SH3KBP1: variants seen among roughly 807,000 people sequenced by gnomAD.
SH3KBP1 encodes the protein SH3 domain-containing kinase-binding protein 1.
A neutral mutation model predicts 50.1 loss-of-function variants in SH3KBP1; 8 were observed. That is an observed-to-expected ratio of 0.16 (90% CI 0.09 to 0.29). The LOEUF is 0.29. Among genes scored for constraint, SH3KBP1 ranks in the 10% least tolerant of loss-of-function variants. The pLI is 1.00. For missense variants in SH3KBP1, 377 were observed against 535.2 expected (o/e 0.70, Z 2.92); for synonymous variants, 227 against 218.6 (o/e 1.04, Z -0.34).
intron 12 of SH3KBP1, among the ~76,000 whole-genome samples, chrX:19,576,230 T>C (rs113142361): frequency 0.017 from 1,934 of 111,638 alleles, 18 homozygotes; most frequent in South Asian, 0.052. Context: ...AAAAGTCTCC[T>C]TGTTTTACTA....
chrX:19,707,139 G>C, intron 3 of SH3KBP1, 155 bp from the exon 4 acceptor site: 1 of 562,911 alleles, frequency 1.8e-6, no homozygotes, highest in South Asian at 2.3e-5. Context: ...GTCTCTTAGA[G>C]AGAGGCAGTA....
At chrX:19,802,014 G>A (rs1003341461) in intron 2 of SH3KBP1, among the ~76,000 whole-genome samples, 9 of 111,397 alleles carry the variant, frequency 8.1e-5, no homozygotes, top group Non-Finnish European at 1.7e-4. Context: ...GGAGGCAGAG[G>A]TTGCAGTGAT....
rs780433982 is a variant in SH3KBP1 at position 19,796,026 on chromosome X, T to C, written c.162+40099A>G. Among the ~76,000 whole-genome samples the C allele has an allele frequency of 4.5e-5, 5 of 111,753 alleles. No individual in the cohort carries two copies. The East Asian group carries it at 8.4e-4, about 19-fold the overall frequency. ...CAATCGGTGGGCCACGTAATCAGTT[T>C]AGAAGGTCCTGACAAGCATCTGTTG... On this transcript the variant is annotated intron_variant, in intron 2 of 17. Transcript: ENST00000397821.
chrX:19,819,575 C>T (rs756051517), intron 2 of SH3KBP1, among the ~76,000 whole-genome samples: 4 of 110,989 alleles, frequency 3.6e-5, no homozygotes, highest in Admixed American at 9.6e-5. Context: ...GTCTCAAAGT[C>T]CTGGGCTCAA....
intron 6 of SH3KBP1, among the ~76,000 whole-genome samples, chrX:19,681,764 G>C (rs1288673135): frequency 9.0e-6 from 1 of 111,573 alleles, no homozygotes; most frequent in Admixed American, 9.5e-5. Context: ...GGAGAGCAGT[G>C]GGGGAGGAAG....
rs2063578993 is a variant in SH3KBP1 at position 19,703,696 on chromosome X, C to CCGTG, written c.390+3184_390+3185insCACG. On this transcript the variant is annotated intron_variant, in intron 4 of 17. Coordinates refer to ENST00000397821, the MANE Select transcript of SH3KBP1 (RefSeq NM_031892.3). The stretch of plus-strand genomic sequence containing the variant: ...TTATCTGTCAGGGCAAAAAGAGAAA[C>CCGTG]TGTGTGTGTGTGTGTGTGTGTGTGT... Among the ~76,000 whole-genome samples, 4 of 63,503 alleles carry CCGTG rather than the reference C, an allele frequency of 6.3e-5. No homozygotes were observed. In the South Asian group the frequency reaches 4.7e-3, roughly 75 times the overall value. 55.1% of individuals were successfully genotyped at this position (63,503 alleles called of 115,157 possible).
At chrX:19,579,633 C>A (rs2066303781) in intron 12 of SH3KBP1, among the ~76,000 whole-genome samples, 1 of 112,083 alleles carries the variant, frequency 8.9e-6, no homozygotes, top group Non-Finnish European at 1.9e-5. Context: ...AGGCTAAATC[C>A]CATCACTATG....
chrX:19,775,912 A>AT (rs1463149024), intron 2 of SH3KBP1, among the ~76,000 whole-genome samples: 1 of 111,546 alleles, frequency 9.0e-6, no homozygotes, highest in African/African-American at 3.3e-5. Context: ...ATTATCCCCC[A>AT]TTGATATTTA....
chrX:19,569,181 T>C lies in SH3KBP1; in HGVS notation c.1306A>G (p.Ser436Gly). 7 of 1,205,855 alleles carry C rather than the reference T, an allele frequency of 5.8e-6. No individual in the cohort carries two copies. The highest frequency in any genetic ancestry group is 7.9e-6 in the Non-Finnish European group (7 of 889,714). Reference sequence around the variant, plus strand: ...CTGCCGGCCAAGTCAATCTTTGGACTGTCACCCCTACATTAAAAACACAAG... The same window carrying C: ...CTGCCGGCCAAGTCAATCTTTGGACCGTCACCCCTACATTAAAAACACAAG... ...VGPLTHTRGDSPKIDLAGSSL... is the reference protein window; with the variant it reads ...VGPLTHTRGDGPKIDLAGSSL... Residue 436 changes from serine (S) to glycine (G), a missense_variant, in exon 13 of 18, where the codon AGT becomes GGT. Ser to Gly is a moderately conservative substitution (Grantham distance 56, BLOSUM62 0). Coordinates refer to ENST00000397821, the MANE Select transcript of SH3KBP1 (RefSeq NM_031892.3).
intron 13 of SH3KBP1, among the ~76,000 whole-genome samples, chrX:19,553,858 T>G (rs2147676685): frequency 1.2e-5 from 1 of 85,517 alleles, no homozygotes; most frequent in South Asian, 4.9e-4. Context: ...ATATTATATA[T>G]ATTAAAATAT....
chrX:19,569,962 T>C (rs1257578539), intron 12 of SH3KBP1, among the ~76,000 whole-genome samples: 3 of 111,646 alleles, frequency 2.7e-5, no homozygotes, highest in Non-Finnish European at 3.8e-5. Context: ...AGCGGTGAAA[T>C]AGGAAAAGAT....
At chrX:19,748,350 G>A (rs998753302) in intron 2 of SH3KBP1, among the ~76,000 whole-genome samples, 1 of 111,689 alleles carries the variant, frequency 9.0e-6, no homozygotes, top group Non-Finnish European at 1.9e-5. Context: ...AGCATTGTGA[G>A]GCTGGGGTGG....
intron 13 of SH3KBP1, among the ~76,000 whole-genome samples, chrX:19,568,065 T>C (rs2065903177): frequency 9.1e-6 from 1 of 110,442 alleles, no homozygotes; most frequent in African/African-American, 3.3e-5. Context: ...CTCATGGCGG[T>C]AGAGAGCAGA....
chrX:19,732,882 C>G (rs973649857), intron 3 of SH3KBP1, among the ~76,000 whole-genome samples: 3 of 111,414 alleles, frequency 2.7e-5, no homozygotes, highest in African/African-American at 9.8e-5. Context: ...GGGAAAGATC[C>G]TATTTACAAA....
At chrX:19,661,552 CTT>C (rs772898760) in intron 6 of SH3KBP1, among the ~76,000 whole-genome samples, 14 of 67,023 alleles carry the variant, frequency 2.1e-4, no homozygotes, top group African/African-American at 2.6e-4. Context: ...TAGCTTTTTA[CTT>C]TTTTTTTTTT....
chrX:19,663,744 T>C (rs2062523576), intron 6 of SH3KBP1, among the ~76,000 whole-genome samples: 1 of 112,183 alleles, frequency 8.9e-6, no homozygotes, highest in Non-Finnish European at 1.9e-5. Context: ...ACTCTCATTA[T>C]TGGCTACTTC....
chrX:19,801,632 G>C (rs1361593877), intron 2 of SH3KBP1, among the ~76,000 whole-genome samples: 1 of 111,998 alleles, frequency 8.9e-6, no homozygotes, highest in Non-Finnish European at 1.9e-5. Context: ...CTGCAAATGG[G>C]CACAGGTTTC....
At chrX:19,797,748 T>A (rs1202806549) in intron 2 of SH3KBP1, among the ~76,000 whole-genome samples, 1 of 111,052 alleles carries the variant, frequency 9.0e-6, no homozygotes, top group Admixed American at 9.6e-5. Context: ...ATGGATGAGA[T>A]GAAATATGAG....
intron 2 of SH3KBP1, among the ~76,000 whole-genome samples, chrX:19,824,389 G>T (rs1249784410): frequency 1.8e-5 from 2 of 111,613 alleles, no homozygotes; most frequent in Non-Finnish European, 3.8e-5. Context: ...GTACCATTGT[G>T]CAAAATGAAT....
Sources: allele counts gnomAD v4.1 joint callset (sites outside exome capture counted in the v4.1 genomes callset), GRCh38; gene constraint gnomAD v4.1.1; transcripts MANE v1.5; gene names NCBI Gene and HGNC (gene_info 2026-07-23, HGNC 2026-07-21).